Variants in PVT1 observed in about 807,000 individuals in gnomAD.
The protein encoded by PVT1 is CXCR4/PVT1 fusion.
rs1199911699 is a variant in PVT1, at chr8:127,898,653, C to T, written n.782+7655C>T. Among the ~76,000 whole-genome samples, 3 of 152,224 alleles carry T rather than the reference C, an allele frequency of 2.0e-5. No homozygotes were observed. The highest frequency in any genetic ancestry group is 7.2e-5 in the African/African-American group (3 of 41,464). On this transcript the variant is annotated intron_variant and non_coding_transcript_variant, in intron 3 of 10. Transcript: ENST00000651587. The surrounding 1 kb of genome is among the most constrained non-coding windows in gnomAD (Gnocchi z 4.4). The stretch of plus-strand genomic sequence containing the variant: ...GTGGCCTTGGCTGGAACCTGTATTC[C>T]AGTGGCCCTGGTGGCTCTCTTCCCT...
At chr8:127,857,554 C>A (rs573209926) in intron 2 of PVT1, among the ~76,000 whole-genome samples, 1 of 152,058 alleles carries the variant, frequency 6.6e-6, no homozygotes, top group Non-Finnish European at 1.5e-5. Context: ...TGCCTATAGT[C>A]CCAGCTACTC....
chr8:127,915,384 C>G (rs373140498), intron 3 of PVT1, among the ~76,000 whole-genome samples: 1 of 151,256 alleles, frequency 6.6e-6, no homozygotes, highest in Non-Finnish European at 1.5e-5. Context: ...CCGAGGCGGG[C>G]GGCAGATCAC....
intron 2 of PVT1, among the ~76,000 whole-genome samples, chr8:127,798,304 C>G (rs76150482): frequency 6.9e-6 from 1 of 143,980 alleles, no homozygotes; most frequent in African/African-American, 2.6e-5. Context: ...AACTCAGTCT[C>G]AAAAAAAAAA....
intron 4 of PVT1, among the ~76,000 whole-genome samples, chr8:128,022,821 CTG>C (rs1271831454): frequency 6.6e-6 from 1 of 151,444 alleles, no homozygotes; most frequent in East Asian, 1.9e-4. Flanking sequence ...TCTGGACTGA[CTG>C]TGTCTCATAA....
intron 2 of PVT1, among the ~76,000 whole-genome samples, chr8:127,798,576 TG>T (rs1250443311): frequency 6.6e-6 from 1 of 151,198 alleles, no homozygotes; most frequent in Admixed American, 6.6e-5. Context: ...CCCTTAGTCT[TG>T]GCTGGGTGCA....
intron 3 of PVT1, among the ~76,000 whole-genome samples, chr8:127,984,994 T>TCTCCTTCC (rs1554602248): frequency 1.5e-5 from 1 of 67,090 alleles, no homozygotes; most frequent in Non-Finnish European, 2.9e-5. Context: ...TTTCTTTCTC[T>TCTCCTTCC]TTCCTTCCTT....
intron 2 of PVT1, among the ~76,000 whole-genome samples, chr8:127,824,818 G>A (rs1216787792): frequency 1.3e-5 from 2 of 151,974 alleles, no homozygotes; most frequent in Admixed American, 6.6e-5. Flanking sequence ...GCACTATTAG[G>A]TATTAAGAAT....
chr8:127,860,048 G>C (rs1274028760), intron 2 of PVT1, among the ~76,000 whole-genome samples: 1 of 152,164 alleles, frequency 6.6e-6, no homozygotes, highest in African/African-American at 2.4e-5. Context: ...GGCTGCGGCT[G>C]CCAGCGGTGA....
chr8:127,799,135 G>C (rs1014151724), intron 2 of PVT1, among the ~76,000 whole-genome samples: 4 of 151,842 alleles, frequency 2.6e-5, no homozygotes, highest in Admixed American at 6.6e-5. Flanking sequence ...AGTTAGGTGG[G>C]GGGGGAGGTA....
intron 2 of PVT1, among the ~76,000 whole-genome samples, chr8:127,847,649 A>G (rs1438054899): frequency 2.6e-5 from 4 of 152,214 alleles, no homozygotes; most frequent in African/African-American, 9.6e-5. Context: ...GGAATAAGGA[A>G]GTGCTGTGTG....
At chr8:127,995,783 A>G (rs1294411694) in intron 4 of PVT1, among the ~76,000 whole-genome samples, 1 of 152,200 alleles carries the variant, frequency 6.6e-6, no homozygotes. Context: ...ACTCTTCACA[A>G]CCTGCCAGGA....
intron 4 of PVT1, among the ~76,000 whole-genome samples, chr8:127,996,134 G>T (rs1336153085): frequency 3.9e-5 from 6 of 151,976 alleles, no homozygotes; most frequent in Non-Finnish European, 8.8e-5. Flanking sequence ...TGGGATCCAG[G>T]TTTATTTGAG....
At chr8:127,881,396 G>GATA (rs958095768) in intron 2 of PVT1, among the ~76,000 whole-genome samples, 19 of 145,892 alleles carry the variant, frequency 1.3e-4, no homozygotes, top group South Asian at 4.3e-4. Context: ...GTTTTTCTGA[G>GATA]ATAATAATAA....
chr8:128,034,787 G>A (rs1813442097), intron 4 of PVT1, among the ~76,000 whole-genome samples: 2 of 152,182 alleles, frequency 1.3e-5, no homozygotes, highest in Non-Finnish European at 2.9e-5. Flanking sequence ...TGCCGAAGCT[G>A]AAAGAGCTCA....
chr8:127,957,578 A>AG, intron 3 of PVT1, among the ~76,000 whole-genome samples: 1 of 150,984 alleles, frequency 6.6e-6, no homozygotes, highest in East Asian at 1.9e-4. Flanking sequence ...AAAAAAAAAA[A>AG]AAAAAAAAGA....
chr8:128,074,587 T>G (rs1814059979), intron 5 of PVT1, among the ~76,000 whole-genome samples: 1 of 152,130 alleles, frequency 6.6e-6, no homozygotes, highest in Non-Finnish European at 1.5e-5. Flanking sequence ...ATGCTTTTTA[T>G]AGTGATTTGG....
At chr8:127,799,782 A>G (rs1809416815) in intron 2 of PVT1, among the ~76,000 whole-genome samples, 2 of 152,174 alleles carry the variant, frequency 1.3e-5, no homozygotes, top group Non-Finnish European at 2.9e-5. Context: ...TACTGTTCCA[A>G]TTATTGAGCT....
intron 4 of PVT1, among the ~76,000 whole-genome samples, chr8:128,022,621 T>C (rs111569329): frequency 1.5e-4 from 23 of 152,332 alleles, no homozygotes; most frequent in African/African-American, 5.5e-4. Context: ...ACCCATGATA[T>C]CTGATGGCAG....
chr8:128,053,374 T>C (rs533535448), intron 4 of PVT1, among the ~76,000 whole-genome samples: 62 of 150,140 alleles, frequency 4.1e-4, no homozygotes, highest in Admixed American at 1.8e-3. Flanking sequence ...CATATATATA[T>C]ACACACACAC....
Sources: gnomAD v4.1 joint callset for allele counts (sites outside exome capture counted in the v4.1 genomes callset) on GRCh38, gnomAD v4.1.1 for gene constraint, Gnocchi (gnomAD v3.1) non-coding constraint, MANE v1.5 for transcripts, NCBI Gene and HGNC (gene_info 2026-07-23, HGNC 2026-07-21) for gene names.